Variants in TAS2R1 observed in about 807,000 individuals in gnomAD.
TAS2R1 encodes the protein taste receptor type 2 member 1.
For missense variants in TAS2R1, 370 were observed against 353.4 expected (o/e 1.05, Z -0.38); for synonymous variants, 141 against 134.2 (o/e 1.05, Z -0.35).
At chr5:9,721,752 C>T in the TAS2R1 span, among the ~76,000 whole-genome samples, 1 of 152,118 alleles carries the variant, frequency 6.6e-6, no homozygotes, top group Non-Finnish European at 1.5e-5. Flanking sequence ...AAAGGAAAAG[C>T]AAATATGATA....
the TAS2R1 span, among the ~76,000 whole-genome samples, chr5:9,749,324 G>A: frequency 1.3e-5 from 2 of 152,154 alleles, no homozygotes; most frequent in African/African-American, 4.8e-5. Context: ...AAATGCTGAG[G>A]GCTGCCCCCT....
At chr5:9,763,732 C>G in the TAS2R1 span, among the ~76,000 whole-genome samples, 340 of 152,132 alleles carry the variant, frequency 2.2e-3, 2 homozygotes, top group African/African-American at 7.7e-3. Flanking sequence ...AGCCAAGTGC[C>G]GCAACCCAGC....
upstream of TAS2R1, among the ~76,000 whole-genome samples, chr5:9,631,186 T>A (rs1739866545): frequency 6.6e-6 from 1 of 152,206 alleles, no homozygotes; most frequent in Non-Finnish European, 1.5e-5. Flanking sequence ...ACCTTCCAGT[T>A]ATCCCAAGAC....
chr5:9,782,475 G>T, the TAS2R1 span, among the ~76,000 whole-genome samples: 1 of 152,156 alleles, frequency 6.6e-6, no homozygotes, highest in South Asian at 2.1e-4. Context: ...GCGGGGCTGG[G>T]GGGGTCCCAC....
At chr5:9,779,817 G>A in the TAS2R1 span, among the ~76,000 whole-genome samples, 2 of 152,190 alleles carry the variant, frequency 1.3e-5, no homozygotes, top group Admixed American at 1.3e-4. Flanking sequence ...AGCATAGATA[G>A]TCTTGTTGGA....
At chr5:9,786,280 T>C in the TAS2R1 span, among the ~76,000 whole-genome samples, 1 of 152,216 alleles carries the variant, frequency 6.6e-6, no homozygotes, top group African/African-American at 2.4e-5. Flanking sequence ...TCTGAGAGCA[T>C]ATTTCCTAGG....
the TAS2R1 span, among the ~76,000 whole-genome samples, chr5:9,821,560 A>G: frequency 6.6e-6 from 1 of 152,236 alleles, no homozygotes; most frequent in Non-Finnish European, 1.5e-5. Flanking sequence ...TGAAATGAAG[A>G]AACAAGAGCA....
chr5:9,638,636 G>A (rs576816541), intron 2 of TAS2R1, among the ~76,000 whole-genome samples: 33 of 152,272 alleles, frequency 2.2e-4, no homozygotes, highest in East Asian at 5.8e-4. Context: ...AAGATGGCCA[G>A]GGTAATTATT....
chr5:9,752,226 G>A, the TAS2R1 span, among the ~76,000 whole-genome samples: 1 of 152,166 alleles, frequency 6.6e-6, no homozygotes, highest in Non-Finnish European at 1.5e-5. Flanking sequence ...CAGGATTCAG[G>A]AGAGGTTGAA....
At chr5:9,767,678 T>C in the TAS2R1 span, among the ~76,000 whole-genome samples, 815 of 152,156 alleles carry the variant, frequency 5.4e-3, 3 homozygotes, top group African/African-American at 0.018. Context: ...GCCTGTACTC[T>C]CAGCACGTTG....
At chr5:9,813,886 T>A in the TAS2R1 span, among the ~76,000 whole-genome samples, 3 of 152,170 alleles carry the variant, frequency 2.0e-5, no homozygotes, top group African/African-American at 7.2e-5. Flanking sequence ...ATTATTGACT[T>A]CATCTCTTTT....
At chr5:9,889,406 A>T in the TAS2R1 span, among the ~76,000 whole-genome samples, 13 of 152,204 alleles carry the variant, frequency 8.5e-5, no homozygotes, top group Admixed American at 3.3e-4. Flanking sequence ...GTAGGACCAC[A>T]CATGCACAGG....
chr5:9,901,300 A>G, the TAS2R1 span, among the ~76,000 whole-genome samples: 3 of 152,006 alleles, frequency 2.0e-5, no homozygotes, highest in African/African-American at 7.2e-5. Flanking sequence ...TAAAGATGAA[A>G]TAAGACTTCT....
chr5:9,767,715 A>G, the TAS2R1 span, among the ~76,000 whole-genome samples: 3 of 152,178 alleles, frequency 2.0e-5, no homozygotes, highest in Non-Finnish European at 2.9e-5. Context: ...GGATCACTTG[A>G]GGTCAGGAGT....
the TAS2R1 span, among the ~76,000 whole-genome samples, chr5:9,876,806 A>T: frequency 6.6e-6 from 1 of 152,208 alleles, no homozygotes; most frequent in East Asian, 1.9e-4. Flanking sequence ...CAGGAGTGGG[A>T]GGGGACTGCA....
At chr5:9,795,969 G>A in the TAS2R1 span, among the ~76,000 whole-genome samples, 8 of 152,114 alleles carry the variant, frequency 5.3e-5, no homozygotes, top group Non-Finnish European at 8.8e-5. Flanking sequence ...CTCCCTCACC[G>A]AAACATACTG....
intron 1 of TAS2R1, among the ~76,000 whole-genome samples, chr5:9,690,626 G>C (rs1579785335): frequency 6.6e-6 from 1 of 152,042 alleles, no homozygotes; most frequent in African/African-American, 2.4e-5. Flanking sequence ...GGGGAAAAAA[G>C]TGTGACTTAA....
chr5:9,661,300 T>C (rs973439519), intron 1 of TAS2R1, among the ~76,000 whole-genome samples: 1 of 152,238 alleles, frequency 6.6e-6, no homozygotes, highest in South Asian at 2.1e-4. Context: ...AAACTTTCTA[T>C]ACTAAAAGCA....
the TAS2R1 span, among the ~76,000 whole-genome samples, chr5:9,763,741 G>A: frequency 1.3e-5 from 2 of 152,132 alleles, no homozygotes; most frequent in African/African-American, 2.4e-5. Flanking sequence ...CCGCAACCCA[G>A]CATCCAACCA....
Sources: allele counts gnomAD v4.1 joint callset (sites outside exome capture counted in the v4.1 genomes callset), GRCh38; gene constraint gnomAD v4.1.1; transcripts MANE v1.5; gene names NCBI Gene and HGNC (gene_info 2026-07-23, HGNC 2026-07-21).